The following LDLRAD2 variants were observed in gnomAD, a reference collection of about 807,000 sequenced individuals.
LDLRAD2 encodes the protein low-density lipoprotein receptor class A domain-containing protein 2.
A neutral mutation model predicts 24.9 loss-of-function variants in LDLRAD2; 25 were observed. The observed-to-expected ratio is 1.00, with a 90% CI of 0.73 to 1.40. The LOEUF (loss-of-function observed/expected upper bound fraction) is 1.40. Ranked by LOEUF, LDLRAD2 falls within the 40% of genes most tolerant of loss-of-function variation. The probability of loss-of-function intolerance (pLI) is 0.00; values close to 1 mark genes in which losing one functional copy is unlikely to be tolerated. For synonymous variants in LDLRAD2, 182 were observed against 166.7 expected, an observed-to-expected ratio of 1.09 and a Z score of -0.71; for missense variants, 391 against 366.2, an observed-to-expected ratio of 1.07 and a Z score of -0.55.
In LDLRAD2 at chr1:21,819,473, CTTTATAAATTACCTTTATAAATTTATAAA is replaced by C. The variant is rs573442517; in HGVS notation, c.644-1960_644-1932del. The stretch of plus-strand genomic sequence containing the variant: ...GAACTGAGACAATTAAACCTCTTTT[CTTTATAAATTACCTTTATAAATTTATAAA>C]TTTATAAATTACCTTTCTTTATAAA... On this transcript the variant is annotated intron_variant, in intron 3 of 4. Coordinates refer to ENST00000344642, the MANE Select transcript of LDLRAD2 (RefSeq NM_001013693.3). 6.5e-3 allele frequency among the ~76,000 whole-genome samples: 982 copies of C among 151,834 alleles called. 7 individuals carry two copies. The highest frequency in any genetic ancestry group is 0.021 in the African/African-American group (863 of 41,382).
intron 2 of LDLRAD2, among the ~76,000 whole-genome samples, chr1:21,815,036 C>T (rs1351122586): frequency 2.0e-5 from 3 of 152,158 alleles, no homozygotes; most frequent in Non-Finnish European, 4.4e-5. Context: ...TAAGAGCCAA[C>T]CATATAAATC....
chr1:21,817,480 C>T (rs1000586727), intron 3 of LDLRAD2, among the ~76,000 whole-genome samples: 2 of 151,912 alleles, frequency 1.3e-5, no homozygotes, highest in African/African-American at 2.4e-5. Context: ...GTAGCTGGGA[C>T]CACACATGCA....
Position 21,823,936 on chromosome 1 carries a change from C to T in LDLRAD2, c.*1721C>T. Reference sequence around the variant, plus strand: ...TTTCCTCCCACTCCTGGGGCACTCGCCTGCCCCCAGCGGAGTTCAGTCCGA... The same window carrying T: ...TTTCCTCCCACTCCTGGGGCACTCGTCTGCCCCCAGCGGAGTTCAGTCCGA... On this transcript the variant is annotated 3_prime_UTR_variant, in exon 5 of 5. Transcript: ENST00000344642. The T allele has an allele frequency of 1.3e-6, 1 of 753,780 alleles. No individual in the cohort carries two copies. The highest frequency in any genetic ancestry group is 2.2e-6 in the Non-Finnish European group (1 of 444,810). 46.7% of individuals were successfully genotyped at this position (753,780 alleles called of 1,614,324 possible).
Position 21,817,138 on chromosome 1 carries a change from G to T in LDLRAD2, c.643+1064G>T, listed in dbSNP as rs1317050184. 7.2e-5 allele frequency among the ~76,000 whole-genome samples: 11 copies of T among 152,094 alleles called. 1 individual carries two copies. In the East Asian group the frequency reaches 2.1e-3, roughly 29 times the overall value. On this transcript the variant is annotated intron_variant, in intron 3 of 4. Coordinates refer to ENST00000344642, the MANE Select transcript of LDLRAD2 (RefSeq NM_001013693.3). ...GCCTATAACCCATAACCAAGCCAGT[G>T]ACAAGTCCTTTGAAAGCTCTCCAGA...
rs752094538 is a variant in LDLRAD2, at chr1:21,822,893, G to A, written c.*678G>A. On this transcript the variant is annotated 3_prime_UTR_variant, in exon 5 of 5. Coordinates refer to ENST00000344642, the MANE Select transcript of LDLRAD2 (RefSeq NM_001013693.3). ...CTGAGTGGGTGGCAGAGACTCCTGCGATGCCCGTCTCAGGTAGCTGTGGGG... is the reference window on the plus strand; with the variant it reads ...CTGAGTGGGTGGCAGAGACTCCTGCAATGCCCGTCTCAGGTAGCTGTGGGG... 1 of 168,626 alleles carries A rather than the reference G, an allele frequency of 5.9e-6. No individual in the cohort carries two copies. Among genetic ancestry groups the A allele is most frequent in the South Asian group, 1.7e-4 (1 of 5,822 alleles). 10.4% of individuals were successfully genotyped at this position (168,626 alleles called of 1,614,324 possible).
chr1:21,824,985 T>G lies in LDLRAD2; in HGVS notation c.*2770T>G. The stretch of plus-strand genomic sequence containing the variant: ...AGCATTACACCTCAATTTCACTCAC[T>G]TCTCACTGAAATTGAGCAGTTCTTT... On this transcript the variant is annotated 3_prime_UTR_variant, in exon 5 of 5. Transcript: ENST00000344642. This position sits in a 1 kb window ranked among gnomAD's most constrained non-coding sequence, Gnocchi z 5.9. The G allele has an allele frequency of 1.6e-6, 1 of 608,244 alleles. No homozygotes were observed. Among genetic ancestry groups the G allele is most frequent in the Non-Finnish European group, 3.0e-6 (1 of 335,218 alleles). 37.7% of individuals were successfully genotyped at this position (608,244 alleles called of 1,614,324 possible). A position where few individuals can be genotyped will look rare whatever the true frequency, so the allele number is the denominator to read the frequency against.
rs765041186 is a variant in LDLRAD2, at chr1:21,823,609, G to A, written c.*1394G>A. On this transcript the variant is annotated 3_prime_UTR_variant, in exon 5 of 5. Transcript: ENST00000344642. ...GCCCCTGCCCTGAGAAGGAGCCCCA[G>A]ACTTACCGATGTAGACGCTGCCCTT... 8 of 1,613,030 alleles carry A rather than the reference G, an allele frequency of 5.0e-6. No individual in the cohort carries two copies. Among genetic ancestry groups the A allele is most frequent in the Non-Finnish European group, 5.9e-6 (7 of 1,179,238 alleles).
chr1:21,816,174 A>T (rs909402551), intron 3 of LDLRAD2, 100 bp downstream of exon 3: 13 of 1,485,654 alleles, frequency 8.8e-6, no homozygotes, highest in Non-Finnish European at 1.2e-5. Context: ...GAGGCAGGAG[A>T]GAGGAAAGCG....
rs758255510 is a variant in LDLRAD2, at chr1:21,823,524, C to T, written c.*1309C>T. On this transcript the variant is annotated 3_prime_UTR_variant, in exon 5 of 5. Coordinates refer to ENST00000344642, the MANE Select transcript of LDLRAD2 (RefSeq NM_001013693.3). ...GTGAGAGGACAGGGCCTGTGGGCTC[C>T]AGCAGCCCAGGAGGCGAGGAAGGCT... The T allele has an allele frequency of 6.2e-7, 1 of 1,609,028 alleles. No homozygotes were observed. Among genetic ancestry groups the T allele is most frequent in the Non-Finnish European group, 8.5e-7 (1 of 1,179,376 alleles).
chr1:21,820,145 C>T lies in LDLRAD2; in HGVS notation c.644-1305C>T, dbSNP rs368294959. On this transcript the variant is annotated intron_variant, in intron 3 of 4. Coordinates refer to ENST00000344642, the MANE Select transcript of LDLRAD2 (RefSeq NM_001013693.3). ...ATTTGACCTGAGATTTGGGTGGGAA[C>T]ACAGATCCAAACTCTATCAGAATAT... is the stretch of plus-strand genomic sequence containing the variant. 1.2e-4 allele frequency among the ~76,000 whole-genome samples: 19 copies of T among 152,328 alleles called. 1 individual carries two copies. Among genetic ancestry groups the T allele is most frequent in the African/African-American group, 4.6e-4 (19 of 41,576 alleles).
In LDLRAD2 at chr1:21,822,003, G is replaced by T. The variant is rs148596638; in HGVS notation, c.806-199G>T. 4 of 1,434,996 alleles carry T rather than the reference G, an allele frequency of 2.8e-6. No individual in the cohort carries two copies. In the African/African-American group the frequency reaches 5.7e-5, roughly 21 times the overall value. 88.9% of individuals were successfully genotyped at this position (1,434,996 alleles called of 1,614,324 possible). A position where few individuals can be genotyped will look rare whatever the true frequency, so the allele number is the denominator to read the frequency against. On this transcript the variant is annotated intron_variant, in intron 4 of 4. Transcript: ENST00000344642. ...ACATGGGAATGATACTAGGCTCTGG[G>T]GTCAGACTCTTTGGGTTCTAACCCC...
rs1429311963 is a variant in LDLRAD2 at position 21,824,854 on chromosome 1, C to T, written c.*2639C>T. 1.5e-6 allele frequency: 2 copies of T among 1,330,398 alleles called. No homozygotes were observed. The highest frequency in any genetic ancestry group is 2.9e-5 in the African/African-American group (2 of 68,782). The allele number at this position is 1,330,398 out of a possible 1,614,324, so 82.4% of individuals were successfully genotyped here. ...ATCCCCCGTCAGTTCCCCTGACCCCCACCTCCACGCCAACATGCAGGACTA... is the reference window on the plus strand; with the variant it reads ...ATCCCCCGTCAGTTCCCCTGACCCCTACCTCCACGCCAACATGCAGGACTA... On this transcript the variant is annotated 3_prime_UTR_variant, in exon 5 of 5. Coordinates refer to ENST00000344642, the MANE Select transcript of LDLRAD2 (RefSeq NM_001013693.3). This position sits in a 1 kb window ranked among gnomAD's most constrained non-coding sequence, Gnocchi z 5.9.
At chr1:21,821,920 C>T in intron 4 of LDLRAD2, 2 of 1,416,368 alleles carry the variant, frequency 1.4e-6, no homozygotes, top group East Asian at 2.5e-5. Flanking sequence ...CAGGGGGCTG[C>T]AGTTGAGTGG....
At position 21,812,378 on chromosome 1, in the gene LDLRAD2, A is replaced by G; in HGVS notation, c.-74A>G. Reference sequence around the variant, plus strand: ...CCCTGCTGGCCTGACCAGGCCCCATACTCCAGTCTCCCCAGAGACCCCAAG... The same window carrying G: ...CCCTGCTGGCCTGACCAGGCCCCATGCTCCAGTCTCCCCAGAGACCCCAAG... On this transcript the variant is annotated 5_prime_UTR_variant, in exon 1 of 5. It adds an upstream start codon to the 5' untranslated region. Coordinates refer to ENST00000344642, the MANE Select transcript of LDLRAD2 (RefSeq NM_001013693.3). 8.1e-7 allele frequency: 1 copy of G among 1,228,644 alleles called. No individual in the cohort carries two copies. Among genetic ancestry groups the G allele is most frequent in the Non-Finnish European group, 1.2e-6 (1 of 837,942 alleles). The allele number at this position is 1,228,644 out of a possible 1,614,324, so 76.1% of individuals were successfully genotyped here. A position where few individuals can be genotyped will look rare whatever the true frequency, so the allele number is the denominator to read the frequency against.
Position 21,817,397 on chromosome 1 carries a change from C to T in LDLRAD2, c.643+1323C>T, listed in dbSNP as rs1254771353. Among the ~76,000 whole-genome samples the T allele has an allele frequency of 1.2e-4, 19 of 152,106 alleles. 1 individual carries two copies. The highest frequency in any genetic ancestry group is 1.2e-3 in the Admixed American group (18 of 15,272). ...TCATTCTGTTATCCAGGCTGGAGTGCAGTGGCGCCATCTCGGCTCACTGCA... is the reference window on the plus strand; with the variant it reads ...TCATTCTGTTATCCAGGCTGGAGTGTAGTGGCGCCATCTCGGCTCACTGCA... On this transcript the variant is annotated intron_variant, in intron 3 of 4. Coordinates refer to ENST00000344642, the MANE Select transcript of LDLRAD2 (RefSeq NM_001013693.3).
intron 4 of LDLRAD2, 102 bp from the exon 5 acceptor site, chr1:21,822,100 C>A (rs2097953041): frequency 2.5e-6 from 4 of 1,603,726 alleles, no homozygotes; most frequent in African/African-American, 1.3e-5. Flanking sequence ...GAAAATAGGA[C>A]AATTCCTGCC....
intron 3 of LDLRAD2, 63 bp downstream of exon 3, chr1:21,816,137 C>T (rs1572109569): frequency 1.3e-6 from 2 of 1,586,330 alleles, no homozygotes; most frequent in East Asian, 4.5e-5. Context: ...CCCTAACTCC[C>T]CTTCCCTAGG....
chr1:21,816,181 A>G (rs1439866984), intron 3 of LDLRAD2, 107 bp downstream of exon 3: 1 of 1,455,134 alleles, frequency 6.9e-7, no homozygotes, highest in African/African-American at 1.4e-5. Context: ...GAGAGAGGAA[A>G]GCGGAAGTGT....
intron 3 of LDLRAD2, among the ~76,000 whole-genome samples, chr1:21,817,602 G>A (rs1256269710): frequency 6.6e-6 from 1 of 152,114 alleles, no homozygotes; most frequent in Non-Finnish European, 1.5e-5. Flanking sequence ...GCCTCCCAAA[G>A]TGCTGGGATT....
Sources: allele counts gnomAD v4.1 joint callset (sites outside exome capture counted in the v4.1 genomes callset), GRCh38; gene constraint gnomAD v4.1.1; non-coding constraint Gnocchi (gnomAD v3.1); transcripts MANE v1.5; gene names NCBI Gene and HGNC (gene_info 2026-07-23, HGNC 2026-07-21).